Variants in ANKAR observed in about 807,000 individuals in gnomAD.
The protein encoded by ANKAR is ankyrin and armadillo repeat-containing protein.
Under a neutral mutation model 146.2 loss-of-function variants are expected in ANKAR, and 136 were observed. The observed-to-expected ratio is 0.93, with a 90% confidence interval of 0.81 to 1.07. The LOEUF (loss-of-function observed/expected upper bound fraction) is 1.07, where lower values mean the gene tolerates loss of function less well. Ranked by LOEUF, ANKAR falls within the 50% of genes least tolerant of loss-of-function variation. The pLI, the probability that ANKAR is intolerant of heterozygous loss-of-function variation, is 0.00. For missense variants in ANKAR, 1,567 were observed against 1,679.9 expected (o/e 0.93, Z 1.18); for synonymous variants, 500 against 575.8 (o/e 0.87, Z 1.88).
intron 12 of ANKAR, among the ~76,000 whole-genome samples, chr2:189,726,940 A>G (rs1179623517): frequency 4.6e-5 from 7 of 152,240 alleles, no homozygotes; most frequent in Admixed American, 1.3e-4. Flanking sequence ...AAAGGTATAC[A>G]GGAATTCTCT....
Position 189,743,314 on chromosome 2 carries a change from T to C in ANKAR, c.3850T>C (p.Tyr1284His), listed in dbSNP as rs752066071. The C allele has an allele frequency of 3.1e-6, 5 of 1,614,036 alleles. No homozygotes were observed. The Middle Eastern group carries it at 6.6e-4, about 214-fold the overall frequency. ...TTCCTCTGCTCTTGGCTACTTAACA[T>C]ACAATGCAAATGCTTTCCGCATCCT... The part of the protein sequence containing the change: ...ACSSALGYLT[Y>H]NANAFRILLK... Residue 1284 changes from tyrosine to histidine, a missense_variant, in exon 21 of 23, where the codon TAC becomes CAC. Transcript: ENST00000684021.
intron 12 of ANKAR, among the ~76,000 whole-genome samples, chr2:189,727,592 T>A (rs2042019469): frequency 6.6e-6 from 1 of 151,026 alleles, no homozygotes; most frequent in African/African-American, 2.4e-5. Flanking sequence ...AAATGCAGGC[T>A]GTTGTTTTAA....
intron 1 of ANKAR, among the ~76,000 whole-genome samples, chr2:189,675,502 C>T (rs965878337): frequency 1.3e-5 from 2 of 151,934 alleles, no homozygotes; most frequent in Non-Finnish European, 2.9e-5. Context: ...GCATGTACGA[C>T]CACGTTTGGC....
intron 2 of ANKAR, among the ~76,000 whole-genome samples, chr2:189,682,156 G>A (rs1027044954): frequency 1.3e-5 from 2 of 152,116 alleles, no homozygotes; most frequent in Non-Finnish European, 2.9e-5. Flanking sequence ...ATGCATGGTG[G>A]AATGTATCTT....
chr2:189,706,637 T>G (rs1214792507), intron 8 of ANKAR, among the ~76,000 whole-genome samples: 1 of 152,192 alleles, frequency 6.6e-6, no homozygotes, highest in Non-Finnish European at 1.5e-5. Context: ...TTTCCTTCAC[T>G]TACGGAGTAG....
In ANKAR at chr2:189,696,233, A is replaced by C; in HGVS notation, c.1572A>C (p.Ser524=). Residue 524 remains serine, a synonymous_variant, in exon 7 of 23, where the codon TCA becomes TCC. Coordinates refer to ENST00000684021, the MANE Select transcript of ANKAR (RefSeq NM_001378068.1). ...FHTFSRKTSS[S]TINVSDEAGY... ...CATTTAGCCGTAAAACCTCAAGCTCAACAATCAATGTTTCAGATGAAGCAG... is the reference window on the plus strand; with the variant it reads ...CATTTAGCCGTAAAACCTCAAGCTCCACAATCAATGTTTCAGATGAAGCAG... The C allele has an allele frequency of 6.2e-7, 1 of 1,614,152 alleles. No individual in the cohort carries two copies. The highest frequency in any genetic ancestry group is 2.2e-5 in the East Asian group (1 of 44,876).
intron 16 of ANKAR, among the ~76,000 whole-genome samples, chr2:189,731,530 C>T (rs569604383): frequency 2.1e-4 from 32 of 151,648 alleles, no homozygotes; most frequent in South Asian, 1.0e-3. Context: ...TGCATCACAA[C>T]GCTTGGCTAA....
At chr2:189,692,056 A>G (rs1559069257) in intron 3 of ANKAR, among the ~76,000 whole-genome samples, 199 bp from the exon 4 acceptor site, 1 of 152,156 alleles carries the variant, frequency 6.6e-6, no homozygotes, top group Non-Finnish European at 1.5e-5. Flanking sequence ...GGCACTGTGC[A>G]TGCTCAAAAA....
intron 8 of ANKAR, among the ~76,000 whole-genome samples, chr2:189,705,940 C>T (rs566450570): frequency 6.6e-5 from 10 of 151,820 alleles, no homozygotes; most frequent in Admixed American, 6.6e-5. Context: ...CTTTGAGTAA[C>T]CTTTCCACTA....
intron 17 of ANKAR, among the ~76,000 whole-genome samples, chr2:189,737,067 T>C (rs1203478269): frequency 6.7e-6 from 1 of 149,618 alleles, no homozygotes; most frequent in East Asian, 1.9e-4. Flanking sequence ...GAGGGAGACT[T>C]TGTCTCAAAA....
intron 2 of ANKAR, among the ~76,000 whole-genome samples, chr2:189,684,135 G>A (rs2035162652): frequency 1.3e-5 from 2 of 152,084 alleles, no homozygotes; most frequent in South Asian, 2.1e-4. Context: ...AATAGGAGAA[G>A]GGAACTTTTA....
At chr2:189,755,150 T>C in intron 18 of ANKAR, 1 of 1,590,108 alleles carries the variant, frequency 6.3e-7, no homozygotes, top group South Asian at 1.2e-5. Flanking sequence ...CAAAAAAGAA[T>C]GGAGAAATTA....
chr2:189,678,419 T>C (rs1456361563), intron 2 of ANKAR, among the ~76,000 whole-genome samples: 1 of 152,238 alleles, frequency 6.6e-6, no homozygotes, highest in East Asian at 1.9e-4. Context: ...TCTTTTGCTG[T>C]TTAGAAGCTT....
At chr2:189,682,118 T>C (rs1054596358) in intron 2 of ANKAR, among the ~76,000 whole-genome samples, 2 of 152,176 alleles carry the variant, frequency 1.3e-5, no homozygotes, top group African/African-American at 4.8e-5. Flanking sequence ...TGTTGGCTCC[T>C]GGCCAATCAA....
intron 2 of ANKAR, among the ~76,000 whole-genome samples, chr2:189,678,355 C>T (rs1206941401): frequency 6.6e-6 from 1 of 152,038 alleles, no homozygotes; most frequent in Non-Finnish European, 1.5e-5. Flanking sequence ...TTGTTGGAAG[C>T]ATAATTTGCA....
chr2:189,747,736 AGGCT>A (rs2105930431), downstream of ANKAR, among the ~76,000 whole-genome samples: 1 of 152,208 alleles, frequency 6.6e-6, no homozygotes, highest in Admixed American at 6.5e-5. Flanking sequence ...TCTGTCACCC[AGGCT>A]GGAGTGCAGT....
intron 18 of ANKAR, among the ~76,000 whole-genome samples, chr2:189,757,193 TAA>T (rs1553541723): frequency 6.6e-6 from 1 of 151,964 alleles, no homozygotes; most frequent in Non-Finnish European, 1.5e-5. Context: ...CAAAAGACAA[TAA>T]GGGATTGAAC....
intron 2 of ANKAR, among the ~76,000 whole-genome samples, chr2:189,680,006 A>G (rs1403919038): frequency 6.6e-6 from 1 of 152,176 alleles, no homozygotes; most frequent in African/African-American, 2.4e-5. Flanking sequence ...CTTTTGGAAT[A>G]GTTTCAGTAA....
intron 18 of ANKAR, among the ~76,000 whole-genome samples, chr2:189,757,231 G>T (rs1442923710): frequency 6.6e-6 from 1 of 152,170 alleles, no homozygotes; most frequent in Admixed American, 6.5e-5. Context: ...GGAGAGGAAA[G>T]TTGCAAAAAA....
Sources: gnomAD v4.1 joint callset for allele counts (sites outside exome capture counted in the v4.1 genomes callset) on GRCh38, gnomAD v4.1.1 for gene constraint, MANE v1.5 for transcripts, NCBI Gene and HGNC (gene_info 2026-07-23, HGNC 2026-07-21) for gene names.